The following CARD8 variants were observed in gnomAD, a reference collection of about 807,000 sequenced individuals.
The protein encoded by CARD8 is caspase recruitment domain-containing protein 8.
In CARD8, 38 loss-of-function variants were observed where a neutral mutation model predicts 53.2. The ratio of observed to expected loss-of-function variants is 0.71; its 90% CI spans 0.55 to 0.94. CARD8 has a LOEUF of 0.94. CARD8 is among the 40% of genes least tolerant of loss of function. The pLI is 0.00. For missense variants in CARD8, 561 were observed against 655.5 expected, an observed-to-expected ratio of 0.86 and a Z score of 1.57; for synonymous variants, 245 against 244.9, an observed-to-expected ratio of 1.00 and a Z score of 0.00.
chr19:48,222,003 T>C, intron 10 of CARD8, 148 bp from the exon 11 acceptor site: 1 of 514,666 alleles, frequency 1.9e-6, no homozygotes, highest in East Asian at 3.1e-5. Flanking sequence ...GATATAAAGA[T>C]TGTGATAGGT....
At chr19:48,248,328 C>T (rs2046441008) in intron 3 of CARD8, among the ~76,000 whole-genome samples, 1 of 152,046 alleles carries the variant, frequency 6.6e-6, no homozygotes, top group Admixed American at 6.6e-5. Context: ...CAGTCTGTGC[C>T]ACACAGCGAA....
chr19:48,241,911 T>C (rs1197761122), intron 3 of CARD8, among the ~76,000 whole-genome samples: 27 of 152,092 alleles, frequency 1.8e-4, no homozygotes, highest in Admixed American at 1.5e-3. Flanking sequence ...AGTAATGAAG[T>C]TGTACAACCA....
downstream of CARD8, among the ~76,000 whole-genome samples, chr19:48,207,116 C>T (rs1045824966): frequency 1.3e-4 from 18 of 140,780 alleles, no homozygotes; most frequent in Admixed American, 8.0e-5. Context: ...TGCAGTGGGC[C>T]GAGATCACGC....
At chr19:48,241,965 AACTCATTAAGCGGC>A (rs1396048423) in intron 3 of CARD8, among the ~76,000 whole-genome samples, 1 of 152,150 alleles carries the variant, frequency 6.6e-6, no homozygotes, top group African/African-American at 2.4e-5. Flanking sequence ...CTCAAAAAGA[AACTCATTAAGCGGC>A]ACTCCCCATT....
chr19:48,204,048 A>AG (rs2037252150), downstream of CARD8: 1 of 398,532 alleles, frequency 2.5e-6, no homozygotes, highest in Non-Finnish European at 5.1e-6. Context: ...TGCTGGCGGG[A>AG]GAGGAGTGGG....
At chr19:48,218,352 T>G (rs1281567920) in intron 12 of CARD8, among the ~76,000 whole-genome samples, 1 of 119,484 alleles carries the variant, frequency 8.4e-6, no homozygotes, top group East Asian at 2.3e-4. Flanking sequence ...TTTATCTTCT[T>G]CTTTTTTTTT....
At position 48,231,025 on chromosome 19, in the gene CARD8, A is replaced by C. The variant is rs1447114252; in HGVS notation, c.543-19T>G. 6 of 1,595,972 alleles carry C rather than the reference A, an allele frequency of 3.8e-6. No homozygotes were observed. The South Asian group carries it at 6.6e-5, about 18-fold the overall frequency. On this transcript the variant is annotated intron_variant, in intron 8 of 13. Transcript: ENST00000651546. ...CCAAACGCTGAAAGGAGCCAGAGTG[A>C]TGTCATGACGGGAGAACCCCAGGAC... is the stretch of plus-strand genomic sequence containing the variant.
At chr19:48,207,732 C>CTTTTTTTTTTT (rs2037420712), downstream of CARD8, among the ~76,000 whole-genome samples, 3 of 91,274 alleles carry the variant, frequency 3.3e-5, no homozygotes, top group African/African-American at 1.3e-4. Flanking sequence ...TGTTGTTTTT[C>CTTTTTTTTTTT]TGTTTTTTTT....
intron 7 of CARD8, 94 bp from the exon 8 acceptor site, chr19:48,231,904 G>T (rs770006930): frequency 2.7e-6 from 3 of 1,091,976 alleles, no homozygotes; most frequent in South Asian, 2.5e-5. Context: ...GGTGCTGTTG[G>T]GATACAGATA....
chr19:48,218,948 T>A lies in CARD8; in HGVS notation c.1226A>T (p.Gln409Leu), dbSNP rs767485538. 14 of 1,614,002 alleles carry A rather than the reference T, an allele frequency of 8.7e-6. No individual in the cohort carries two copies. Among genetic ancestry groups the A allele is most frequent in the Non-Finnish European group, 1.2e-5 (14 of 1,179,842 alleles). ...IQHFSKFYAG[Q>L]MKEPIQLEIT... ...CTCAAGTTGAATGGGTTCCTTCATC[T>A]GCCCAGCATAGAATTTTGAGAAGTG... The change falls in exon 12 of 14, where the codon CAG becomes CTG. Residue 409 changes from glutamine (Q) to leucine (L), a missense_variant. By Grantham distance (113) the Gln-to-Leu change is moderately radical. Transcript: ENST00000651546.
chr19:48,221,008 A>AAAAG (rs150900973), intron 11 of CARD8, among the ~76,000 whole-genome samples: 40,974 of 114,500 alleles, frequency 0.36, 8,209 homozygotes, highest in East Asian at 0.64. Context: ...GAAAGAAAGA[A>AAAAG]AAAGAAAGAA....
chr19:48,221,748 G>A lies in CARD8; in HGVS notation c.1143C>T (p.Asn381=), dbSNP rs2040675287. ...TACTAACCTTGGGCATTACTTTCAG[G>A]TTAGCAGAATTAGACACAATATAAC... is the stretch of plus-strand genomic sequence containing the variant. ...GSSYIVSNSA[N]LKVMPKELKL... The change falls in exon 11 of 14, where the codon AAC becomes AAT. Residue 381 remains asparagine, a synonymous_variant. Coordinates refer to ENST00000651546, the MANE Select transcript of CARD8 (RefSeq NM_001184900.3). 1.3e-6 allele frequency: 2 copies of A among 1,599,088 alleles called. No individual in the cohort carries two copies. Among genetic ancestry groups the A allele is most frequent in the Admixed American group, 3.4e-5 (2 of 59,540 alleles).
chr19:48,220,102 G>A (rs913606149), intron 11 of CARD8, among the ~76,000 whole-genome samples: 1 of 152,148 alleles, frequency 6.6e-6, no homozygotes, highest in Non-Finnish European at 1.5e-5. Flanking sequence ...GGAAGGTTCT[G>A]CAACAGCCAA....
intron 1 of CARD8, among the ~76,000 whole-genome samples, chr19:48,251,751 A>G (rs2046966148): frequency 6.6e-6 from 1 of 152,184 alleles, no homozygotes; most frequent in African/African-American, 2.4e-5. Flanking sequence ...AACTCCCCCA[A>G]GGATCATTTA....
intron 12 of CARD8, among the ~76,000 whole-genome samples, chr19:48,216,055 A>G (rs921999414): frequency 2.0e-5 from 3 of 152,042 alleles, no homozygotes; most frequent in African/African-American, 7.2e-5. Context: ...ACTTCTGGGC[A>G]GAACATGAGC....
intron 10 of CARD8, among the ~76,000 whole-genome samples, chr19:48,227,673 T>A (rs201092105): frequency 1.3e-5 from 2 of 151,716 alleles, no homozygotes; most frequent in South Asian, 4.2e-4. Context: ...TGTGGTGGTG[T>A]GTGCCTGTAA....
At chr19:48,235,854 A>G (rs951245616) in intron 5 of CARD8, among the ~76,000 whole-genome samples, 3 of 152,218 alleles carry the variant, frequency 2.0e-5, no homozygotes, top group South Asian at 2.1e-4. Flanking sequence ...GCAAAAAAAA[A>G]GAAAGAAAAT....
chr19:48,252,147 G>A (rs950523306), intron 1 of CARD8, among the ~76,000 whole-genome samples: 23 of 152,086 alleles, frequency 1.5e-4, no homozygotes, highest in African/African-American at 5.6e-4. Context: ...CTCTCAGGGA[G>A]CATTCAATGG....
chr19:48,215,437 A>C, intron 12 of CARD8, 53 bp from the exon 13 acceptor site: 1 of 1,286,018 alleles, frequency 7.8e-7, no homozygotes, highest in South Asian at 1.2e-5. Context: ...ATGTACCCTT[A>C]TTTAGCTTTT....
Sources: gnomAD v4.1 joint callset for allele counts (sites outside exome capture counted in the v4.1 genomes callset) on GRCh38, gnomAD v4.1.1 for gene constraint, MANE v1.5 for transcripts, NCBI Gene and HGNC (gene_info 2026-07-23, HGNC 2026-07-21) for gene names.